The following ACAD10 variants were observed in gnomAD, a reference collection of about 807,000 sequenced individuals.
ACAD10 encodes the protein ACAD-10.
A neutral mutation model predicts 116.8 loss-of-function variants in ACAD10; 112 were observed. That is an observed-to-expected ratio of 0.96 (90% CI 0.82 to 1.12). ACAD10 has a LOEUF of 1.12. ACAD10 is among the 50% of genes most tolerant of loss of function. The probability of loss-of-function intolerance (pLI) is 0.00; values close to 1 mark genes in which losing one functional copy is unlikely to be tolerated. For missense variants in ACAD10, 1,259 were observed against 1,350.2 expected, an observed-to-expected ratio of 0.93 and a Z score of 1.06; for synonymous variants, 486 against 510.6, an observed-to-expected ratio of 0.95 and a Z score of 0.65.
intron 2 of ACAD10, among the ~76,000 whole-genome samples, chr12:111,693,821 A>G (rs938403141): frequency 2.6e-5 from 4 of 152,210 alleles, no homozygotes; most frequent in Non-Finnish European, 5.9e-5. Flanking sequence ...CTAACAAAAC[A>G]GTGACTGAAA....
chr12:111,702,375 T>G (rs1888372314), intron 3 of ACAD10, 65 bp downstream of exon 3: 1 of 1,566,760 alleles, frequency 6.4e-7, no homozygotes, highest in Non-Finnish European at 8.7e-7. Flanking sequence ...GTTGCAACAT[T>G]CATGTATAAG....
chr12:111,694,249 C>CCTCTCTGTTCCTTCACTCTTAT (rs1888134095), intron 2 of ACAD10, among the ~76,000 whole-genome samples: 1 of 152,172 alleles, frequency 6.6e-6, no homozygotes, highest in East Asian at 1.9e-4. Context: ...TACGCCTGAG[C>CCTCTCTGTTCCTTCACTCTTAT]CTCTCTGTTC....
intron 18 of ACAD10, among the ~76,000 whole-genome samples, chr12:111,752,551 G>A (rs1441011489): frequency 6.6e-6 from 1 of 152,080 alleles, no homozygotes; most frequent in East Asian, 1.9e-4. Context: ...AGAGGTTGCA[G>A]TGAGCCGAGA....
At chr12:111,720,787 A>AT (rs1428094099) in intron 7 of ACAD10, among the ~76,000 whole-genome samples, 12 of 150,752 alleles carry the variant, frequency 8.0e-5, no homozygotes, top group Non-Finnish European at 1.6e-4. Context: ...TATTTATTTT[A>AT]TTTTATTTTT....
intron 12 of ACAD10, among the ~76,000 whole-genome samples, chr12:111,737,914 G>A (rs560322508): frequency 6.6e-6 from 1 of 151,906 alleles, no homozygotes; most frequent in Admixed American, 6.6e-5. Flanking sequence ...GTGCAGTGGT[G>A]CGATCTTGGT....
At chr12:111,699,763 TAAA>T (rs1464180295) in intron 2 of ACAD10, among the ~76,000 whole-genome samples, 1 of 150,952 alleles carries the variant, frequency 6.6e-6, no homozygotes, top group Non-Finnish European at 1.5e-5. Flanking sequence ...CTACAAAAAA[TAAA>T]AAAATTAGCT....
chr12:111,716,959 A>G (rs1415279541), intron 7 of ACAD10, among the ~76,000 whole-genome samples: 1 of 152,238 alleles, frequency 6.6e-6, no homozygotes, highest in Non-Finnish European at 1.5e-5. Context: ...TGTCGCAATG[A>G]CAGTAATAGT....
intron 12 of ACAD10, among the ~76,000 whole-genome samples, chr12:111,740,318 T>C (rs56310777): frequency 0.016 from 2,378 of 151,864 alleles, 72 homozygotes; most frequent in African/African-American, 0.054. Flanking sequence ...AAAAATTGCC[T>C]GGGTGTGGTG....
chr12:111,727,846 C>T, intron 8 of ACAD10, 116 bp from the exon 9 acceptor site: 2 of 1,064,850 alleles, frequency 1.9e-6, no homozygotes, highest in Non-Finnish European at 2.8e-6. Flanking sequence ...TGGGTCTGAA[C>T]TCTTCACCAG....
At chr12:111,740,304 A>G (rs1028780239) in intron 12 of ACAD10, among the ~76,000 whole-genome samples, 2 of 152,048 alleles carry the variant, frequency 1.3e-5, no homozygotes, top group African/African-American at 4.8e-5. Flanking sequence ...TCCACTAAAA[A>G]TACAAAAATT....
At chr12:111,750,198 T>C (rs1426004253) in intron 18 of ACAD10, among the ~76,000 whole-genome samples, 2 of 151,192 alleles carry the variant, frequency 1.3e-5, no homozygotes, top group Non-Finnish European at 2.9e-5. Context: ...TTCACACCAT[T>C]CTCTTGCCTC....
chr12:111,736,118 T>A (rs1889552722), intron 11 of ACAD10, among the ~76,000 whole-genome samples: 1 of 151,394 alleles, frequency 6.6e-6, no homozygotes, highest in Admixed American at 6.6e-5. Flanking sequence ...TGACCTCAAA[T>A]GATCTGCCCT....
chr12:111,706,782 A>ATTTTTTTTTTTTT (rs36125603), intron 4 of ACAD10, among the ~76,000 whole-genome samples: 48 of 126,488 alleles, frequency 3.8e-4, no homozygotes, highest in African/African-American at 1.5e-3. Flanking sequence ...ATATATATAT[A>ATTTTTTTTTTTTT]TTTTTTTTTT....
chr12:111,748,825 G>C, intron 17 of ACAD10: 2 of 629,370 alleles, frequency 3.2e-6, no homozygotes, highest in Non-Finnish European at 5.3e-6. Context: ...GGTTTGGTCC[G>C]CTCCCAGTTT....
chr12:111,708,281 C>T (rs1207037779), intron 4 of ACAD10, among the ~76,000 whole-genome samples: 1 of 152,142 alleles, frequency 6.6e-6, no homozygotes, highest in African/African-American at 2.4e-5. Context: ...ATGTAATTCA[C>T]CTAGTGAGAG....
At chr12:111,713,938 C>T (rs847888) in intron 6 of ACAD10, among the ~76,000 whole-genome samples, 2 of 148,910 alleles carry the variant, frequency 1.3e-5, no homozygotes, top group African/African-American at 2.5e-5. Flanking sequence ...GTCCCCCCCC[C>T]AAAAAAAAAA....
At chr12:111,713,316 GAA>G (rs58158093) in intron 6 of ACAD10, among the ~76,000 whole-genome samples, 4 of 132,010 alleles carry the variant, frequency 3.0e-5, no homozygotes, top group Non-Finnish European at 6.6e-5. Flanking sequence ...ATCTCGGGGG[GAA>G]AAAAAAAAAG....
At chr12:111,736,785 G>C (rs113383690) in intron 11 of ACAD10, 46 bp from the exon 12 acceptor site, 1 of 1,569,488 alleles carries the variant, frequency 6.4e-7, no homozygotes, top group East Asian at 2.3e-5. Context: ...CCACAGGGGC[G>C]TGTCACGTCA....
At chr12:111,697,008 G>C (rs1031053458) in intron 2 of ACAD10, among the ~76,000 whole-genome samples, 1 of 151,950 alleles carries the variant, frequency 6.6e-6, no homozygotes, top group Non-Finnish European at 1.5e-5. Flanking sequence ...GTGCACCCAG[G>C]AGGCAGAGCT....
Sources: gnomAD v4.1 joint callset for allele counts (sites outside exome capture counted in the v4.1 genomes callset) on GRCh38, gnomAD v4.1.1 for gene constraint, MANE v1.5 for transcripts, NCBI Gene and HGNC (gene_info 2026-07-23, HGNC 2026-07-21) for gene names.